Variants in ARHGAP24 observed in about 807,000 individuals in gnomAD.
The protein encoded by ARHGAP24 is Rho GTPase activating protein 24, also known as rho GTPase-activating protein 24.
In ARHGAP24, 50 loss-of-function variants were observed where a neutral mutation model predicts 76.4. The ratio of observed to expected loss-of-function variants is 0.65; its 90% CI spans 0.52 to 0.83. The LOEUF (loss-of-function observed/expected upper bound fraction) is 0.83. ARHGAP24 is among the 40% of genes least tolerant of loss of function. The probability of loss-of-function intolerance (pLI) is 0.00; values close to 1 mark genes in which losing one functional copy is unlikely to be tolerated. For synonymous variants in ARHGAP24, 345 were observed against 323.3 expected (o/e 1.07, Z -0.72); for missense variants, 930 against 914.2 (o/e 1.02, Z -0.22).
chr4:85,738,408 T>C (rs914693706), intron 3 of ARHGAP24, among the ~76,000 whole-genome samples: 5 of 119,030 alleles, frequency 4.2e-5, no homozygotes, highest in Admixed American at 3.5e-4. Flanking sequence ...TTATTATCAT[T>C]ATTATTATTA....
intron 2 of ARHGAP24, among the ~76,000 whole-genome samples, chr4:85,641,551 C>A (rs997447006): frequency 6.6e-6 from 1 of 152,144 alleles, no homozygotes; most frequent in African/African-American, 2.4e-5. Context: ...ATTGTTTTCT[C>A]TCTGAGTCTG....
chr4:85,772,237 A>G (rs1727159359), intron 3 of ARHGAP24, among the ~76,000 whole-genome samples: 1 of 152,134 alleles, frequency 6.6e-6, no homozygotes, highest in South Asian at 2.1e-4. Context: ...GTAGGGTGAC[A>G]TGTGTCCAAG....
intron 3 of ARHGAP24, among the ~76,000 whole-genome samples, chr4:85,878,756 C>T (rs1037385200): frequency 3.3e-5 from 5 of 152,096 alleles, no homozygotes; most frequent in Non-Finnish European, 7.4e-5. Context: ...TCTTGAAGCT[C>T]CTCCAGTTAT....
intron 5 of ARHGAP24, among the ~76,000 whole-genome samples, chr4:85,964,689 T>A (rs1202372648): frequency 1.3e-5 from 2 of 152,158 alleles, no homozygotes; most frequent in East Asian, 3.9e-4. Context: ...TATCCATAAT[T>A]TTTTTCAGTT....
chr4:85,934,761 C>T (rs1736533692), intron 4 of ARHGAP24, among the ~76,000 whole-genome samples: 2 of 152,178 alleles, frequency 1.3e-5, no homozygotes, highest in Admixed American at 6.5e-5. Flanking sequence ...GTAATCCTCC[C>T]ACCTCGGCCT....
chr4:85,801,205 C>T (rs758998575), intron 3 of ARHGAP24, among the ~76,000 whole-genome samples: 1 of 152,000 alleles, frequency 6.6e-6, no homozygotes, highest in Non-Finnish European at 1.5e-5. Flanking sequence ...TTTGCTAAAC[C>T]TATATCCTAC....
In ARHGAP24 at chr4:85,731,027, C is replaced by CAG. The variant is rs371450623; in HGVS notation, c.268+9065_268+9066dup. On this transcript the variant is annotated intron_variant, in intron 3 of 9. Transcript: ENST00000395184. ...ACACACACACACACACACACACACACAGAGAGAGAGACTGGGCATGTGTGT... is the reference window on the plus strand; with the variant it reads ...ACACACACACACACACACACACACACAGAGAGAGAGAGACTGGGCATGTGTGT... Among the ~76,000 whole-genome samples the CAG allele has an allele frequency of 9.0e-3, 722 of 80,422 alleles. 5 individuals are homozygous for CAG. The highest frequency in any genetic ancestry group is 0.024 in the African/African-American group (572 of 23,642). 52.8% of individuals were successfully genotyped at this position (80,422 alleles called of 152,430 possible).
intron 2 of ARHGAP24, among the ~76,000 whole-genome samples, chr4:85,687,246 A>T (rs545415298): frequency 7.7e-4 from 118 of 152,294 alleles, no homozygotes; most frequent in Non-Finnish European, 1.3e-3. Context: ...TTATTTATAC[A>T]TAGGGTTGAA....
chr4:85,610,117 A>C (rs1720329731), intron 2 of ARHGAP24, among the ~76,000 whole-genome samples: 1 of 152,154 alleles, frequency 6.6e-6, no homozygotes, highest in Non-Finnish European at 1.5e-5. Context: ...CAGGTCTAGC[A>C]GAGCGTTTGG....
chr4:85,618,021 T>C (rs2110001094), intron 2 of ARHGAP24, among the ~76,000 whole-genome samples: 1 of 152,326 alleles, frequency 6.6e-6, no homozygotes, highest in South Asian at 2.1e-4. Context: ...AGATCTCCTC[T>C]CTGCAAATTT....
At chr4:85,638,809 G>C (rs1320919098) in intron 2 of ARHGAP24, among the ~76,000 whole-genome samples, 1 of 152,086 alleles carries the variant, frequency 6.6e-6, no homozygotes, top group South Asian at 2.1e-4. Flanking sequence ...AAACTTCCAA[G>C]ATAAATAATT....
At chr4:85,946,694 G>T (rs1200789136) in intron 5 of ARHGAP24, among the ~76,000 whole-genome samples, 3 of 152,114 alleles carry the variant, frequency 2.0e-5, no homozygotes, top group South Asian at 2.1e-4. Flanking sequence ...GTATTCCATG[G>T]TATATATGTA....
chr4:85,683,740 G>A (rs1446664558), intron 2 of ARHGAP24, among the ~76,000 whole-genome samples: 4 of 152,034 alleles, frequency 2.6e-5, no homozygotes, highest in Non-Finnish European at 5.9e-5. Context: ...TCACTGAATA[G>A]CACTTGCCAT....
At chr4:85,550,162 C>T (rs1176063926) in intron 1 of ARHGAP24, among the ~76,000 whole-genome samples, 1 of 152,130 alleles carries the variant, frequency 6.6e-6, no homozygotes, top group African/African-American at 2.4e-5. Flanking sequence ...GATTTGAGTT[C>T]TTTGAGAAAT....
intron 3 of ARHGAP24, among the ~76,000 whole-genome samples, chr4:85,769,625 C>A (rs913550418): frequency 6.6e-6 from 1 of 150,694 alleles, no homozygotes; most frequent in Admixed American, 6.6e-5. Flanking sequence ...TCCTTTTTTT[C>A]TTTCTTCCTT....
chr4:85,879,887 C>G (rs1415262063), intron 3 of ARHGAP24, among the ~76,000 whole-genome samples: 1 of 151,894 alleles, frequency 6.6e-6, no homozygotes, highest in Non-Finnish European at 1.5e-5. Context: ...GAACGGCTTC[C>G]GAGGCATTAG....
chr4:85,753,470 T>C (rs1485734450), intron 3 of ARHGAP24, among the ~76,000 whole-genome samples: 1 of 152,230 alleles, frequency 6.6e-6, no homozygotes, highest in Non-Finnish European at 1.5e-5. Flanking sequence ...GACCTGCCTT[T>C]ACTCTGTTTG....
At chr4:85,670,642 A>G (rs998763695) in intron 2 of ARHGAP24, among the ~76,000 whole-genome samples, 11 of 152,172 alleles carry the variant, frequency 7.2e-5, no homozygotes, top group African/African-American at 2.7e-4. Context: ...CTGAATTACT[A>G]TTATTTATTT....
chr4:85,510,801 TTCC>T (rs1245634445), intron 1 of ARHGAP24, among the ~76,000 whole-genome samples: 61 of 123,944 alleles, frequency 4.9e-4, no homozygotes, highest in South Asian at 4.8e-3. Context: ...GCCCCTCCCC[TTCC>T]TCCTCCTCCT....
Sources: allele counts gnomAD v4.1 joint callset (sites outside exome capture counted in the v4.1 genomes callset), GRCh38; gene constraint gnomAD v4.1.1; transcripts MANE v1.5; gene names NCBI Gene and HGNC (gene_info 2026-07-23, HGNC 2026-07-21).